SYNDIG1: variants seen among roughly 807,000 people sequenced by gnomAD.
SYNDIG1 encodes synapse differentiation-inducing gene protein 1.
SYNDIG1 carries 9 observed loss-of-function variants against 19.4 expected under a neutral mutation model. That is an observed-to-expected ratio of 0.46 (90% confidence interval 0.28 to 0.81). The LOEUF (loss-of-function observed/expected upper bound fraction) is 0.81. Ranked by LOEUF, SYNDIG1 falls within the 30% of genes least tolerant of loss-of-function variation. The pLI is 0.12. For missense variants in SYNDIG1, 311 were observed against 343.3 expected (o/e 0.91, Z 0.74); for synonymous variants, 141 against 145.9 (o/e 0.97, Z 0.24).
chr20:24,590,841 G>A (rs1335803735), intron 3 of SYNDIG1, among the ~76,000 whole-genome samples: 1 of 152,146 alleles, frequency 6.6e-6, no homozygotes, highest in Non-Finnish European at 1.5e-5. Context: ...GGGGCCCGTG[G>A]GAGCATTGAC....
At chr20:24,555,957 A>G (rs1329252703) in intron 2 of SYNDIG1, among the ~76,000 whole-genome samples, 5 of 151,936 alleles carry the variant, frequency 3.3e-5, no homozygotes, top group Non-Finnish European at 7.4e-5. Context: ...TTTGTAGGTC[A>G]CTCAGGACTT....
intron 3 of SYNDIG1, among the ~76,000 whole-genome samples, chr20:24,594,656 G>A (rs140510323): frequency 2.7e-3 from 406 of 152,264 alleles, no homozygotes; most frequent in African/African-American, 9.2e-3. Context: ...TCCTATCCAT[G>A]AGCAGGAAAT....
At chr20:24,530,907 C>T (rs2057245070) in intron 1 of SYNDIG1, among the ~76,000 whole-genome samples, 2 of 151,176 alleles carry the variant, frequency 1.3e-5, no homozygotes, top group Non-Finnish European at 2.9e-5. Flanking sequence ...CTCCTGAGTT[C>T]AAGCGATTCT....
intron 1 of SYNDIG1, among the ~76,000 whole-genome samples, chr20:24,516,684 A>G (rs1226366098): frequency 2.0e-5 from 3 of 152,220 alleles, no homozygotes; most frequent in Admixed American, 2.0e-4. Context: ...GCTGGAGAGG[A>G]TGTGGAGAAA....
At chr20:24,536,683 G>A (rs972309619) in intron 1 of SYNDIG1, among the ~76,000 whole-genome samples, 1 of 152,128 alleles carries the variant, frequency 6.6e-6, no homozygotes, top group Non-Finnish European at 1.5e-5. Flanking sequence ...GAGAGCCCCA[G>A]CGCACTTTCA....
intron 3 of SYNDIG1, among the ~76,000 whole-genome samples, chr20:24,656,438 G>T (rs181903492): frequency 6.6e-6 from 1 of 152,284 alleles, no homozygotes; most frequent in South Asian, 2.1e-4. Flanking sequence ...GCTGGACCCC[G>T]TGGTGCCCTG....
chr20:24,569,753 G>T (rs2058110379), intron 2 of SYNDIG1, among the ~76,000 whole-genome samples: 1 of 152,168 alleles, frequency 6.6e-6, no homozygotes, highest in Non-Finnish European at 1.5e-5. Flanking sequence ...TGTTTAGGGG[G>T]AGTGTCCTGC....
intron 1 of SYNDIG1, among the ~76,000 whole-genome samples, chr20:24,475,510 G>C (rs1178327723): frequency 6.6e-6 from 1 of 152,220 alleles, no homozygotes; most frequent in Non-Finnish European, 1.5e-5. Flanking sequence ...TAGGGCAGTT[G>C]AAAGAGTTGA....
At position 24,591,382 on chromosome 20, in the gene SYNDIG1, G is replaced by A. The variant is rs1364829476; in HGVS notation, c.618+6389G>A. Among the ~76,000 whole-genome samples the A allele has an allele frequency of 2.0e-5, 3 of 151,964 alleles. No homozygotes were observed. The East Asian group carries it at 5.8e-4, about 29-fold the overall frequency. On this transcript the variant is annotated intron_variant, in intron 3 of 3. Transcript: ENST00000376862. Reference sequence around the variant, plus strand: ...GCACCCAGGCCTGAGTGACAGAATGGGACCTTGTCTTTAAATATACATATG... The same window carrying A: ...GCACCCAGGCCTGAGTGACAGAATGAGACCTTGTCTTTAAATATACATATG...
intron 1 of SYNDIG1, among the ~76,000 whole-genome samples, chr20:24,486,963 G>A (rs1291817220): frequency 6.6e-6 from 1 of 152,102 alleles, no homozygotes; most frequent in Non-Finnish European, 1.5e-5. Context: ...AGCCGAGAGT[G>A]TGCATTTCTA....
intron 3 of SYNDIG1, among the ~76,000 whole-genome samples, chr20:24,662,981 G>A (rs1000402806): frequency 6.6e-6 from 1 of 152,218 alleles, no homozygotes; most frequent in Admixed American, 6.5e-5. Context: ...ATGGAAACGT[G>A]TCTTCCCATT....
intron 3 of SYNDIG1, among the ~76,000 whole-genome samples, chr20:24,622,310 A>G (rs563943320): frequency 3.6e-4 from 55 of 152,356 alleles, no homozygotes; most frequent in African/African-American, 1.3e-3. Context: ...AAATGACCCA[A>G]ACTGAAACAC....
chr20:24,650,899 G>A (rs893247944), intron 3 of SYNDIG1, among the ~76,000 whole-genome samples: 14 of 151,966 alleles, frequency 9.2e-5, no homozygotes, highest in African/African-American at 2.9e-4. Flanking sequence ...GTAGTGGTGC[G>A]ATCTCGGCTC....
At chr20:24,609,983 AC>A (rs778582144) in intron 3 of SYNDIG1, among the ~76,000 whole-genome samples, 1 of 152,016 alleles carries the variant, frequency 6.6e-6, no homozygotes, top group Non-Finnish European at 1.5e-5. Flanking sequence ...CACCACCACC[AC>A]ATGGGGCCTC....
chr20:24,569,420 A>G (rs2058105359), intron 2 of SYNDIG1, among the ~76,000 whole-genome samples: 1 of 152,202 alleles, frequency 6.6e-6, no homozygotes, highest in Non-Finnish European at 1.5e-5. Context: ...AAAGTTCCAC[A>G]TGCCCAGAGA....
chr20:24,553,137 G>A (rs1173579773), intron 2 of SYNDIG1, among the ~76,000 whole-genome samples: 152 of 151,630 alleles, frequency 1.0e-3, no homozygotes, highest in Non-Finnish European at 1.3e-3. Context: ...CATGTCCTTC[G>A]CCCACTTTTT....
chr20:24,515,439 A>G (rs1227194161), intron 1 of SYNDIG1, among the ~76,000 whole-genome samples: 2 of 152,148 alleles, frequency 1.3e-5, no homozygotes, highest in Non-Finnish European at 2.9e-5. Context: ...TTAGAAAACC[A>G]CATCATCTCA....
intron 3 of SYNDIG1, among the ~76,000 whole-genome samples, chr20:24,590,633 G>C (rs557127014): frequency 6.6e-6 from 1 of 152,126 alleles, no homozygotes; most frequent in East Asian, 1.9e-4. Context: ...AGTGTGAAAG[G>C]AAGAGGGAAG....
chr20:24,651,204 A>G (rs534291359), intron 3 of SYNDIG1, among the ~76,000 whole-genome samples: 1 of 152,220 alleles, frequency 6.6e-6, no homozygotes, highest in Non-Finnish European at 1.5e-5. Context: ...GAATTTATCT[A>G]TTTTGCTTCC....
Sources: gnomAD v4.1 joint callset for allele counts (sites outside exome capture counted in the v4.1 genomes callset) on GRCh38, gnomAD v4.1.1 for gene constraint, MANE v1.5 for transcripts, NCBI Gene and HGNC (gene_info 2026-07-23, HGNC 2026-07-21) for gene names.